The following ADCY1 variants were observed in gnomAD, a reference collection of about 807,000 sequenced individuals.
ADCY1 encodes the protein adenylate cyclase 1, also known as adenylate cyclase type 1.
ADCY1 carries 28 observed loss-of-function variants against 105.4 expected under a neutral mutation model. That is an observed-to-expected ratio of 0.27 (90% CI 0.20 to 0.36). The LOEUF (loss-of-function observed/expected upper bound fraction) is 0.36, where lower values mean the gene tolerates loss of function less well. Among genes scored for constraint, ADCY1 ranks in the 10% least tolerant of loss-of-function variants. ADCY1 has a pLI of 1.00. For synonymous variants in ADCY1, 655 were observed against 623.8 expected (o/e 1.05, Z -0.75); for missense variants, 977 against 1,434.2 (o/e 0.68, Z 5.15).
At chr7:45,657,282 G>A (rs1794967409) in intron 5 of ADCY1, among the ~76,000 whole-genome samples, 1 of 152,264 alleles carries the variant, frequency 6.6e-6, no homozygotes, top group Admixed American at 6.5e-5. Flanking sequence ...GTTTCCAGCA[G>A]GTTGTCATCT....
rs6966133 is a variant in ADCY1, at chr7:45,664,869, C to T, written c.1605+2655C>T. Among the ~76,000 whole-genome samples the T allele has an allele frequency of 8.6e-3, 1,307 of 152,170 alleles. 17 individuals are homozygous for T. The highest frequency in any genetic ancestry group is 0.023 in the African/African-American group (945 of 41,494). On this transcript the variant is annotated intron_variant, in intron 8 of 19. Coordinates refer to ENST00000297323, the MANE Select transcript of ADCY1 (RefSeq NM_021116.4). Reference sequence around the variant, plus strand: ...TGGTGGTTTGCTGTACCCATCAACCCGTCATCTAGGTTTTAAGTCCCGCAT... The same window carrying T: ...TGGTGGTTTGCTGTACCCATCAACCTGTCATCTAGGTTTTAAGTCCCGCAT...
intron 4 of ADCY1, among the ~76,000 whole-genome samples, chr7:45,623,691 T>C (rs1793971085): frequency 6.6e-6 from 1 of 152,204 alleles, no homozygotes; most frequent in South Asian, 2.1e-4. Flanking sequence ...ACTTCCCCTC[T>C]TGCCATTCAC....
rs747202140 is a variant in ADCY1 at position 45,648,741 on chromosome 7, G to C, written c.1092G>C (p.Lys364Asn). ...YYCVSGLTQP[K>N]TDHAHCCVEM... is the part of the protein sequence containing the mutation. ...GCGTGTCGGGCCTCACCCAGCCCAA[G>C]ACTGACCATGCCCACTGCTGTGTGG... The change falls in exon 5 of 20, where the codon AAG (lysine) becomes AAC (asparagine). Residue 364 changes from lysine (K) to asparagine (N), a missense_variant. By Grantham distance (94) the Lys-to-Asn change is moderately conservative. This residue lies in a region of ADCY1 where 196 missense variants were observed against 347.8 expected (regional missense o/e 0.56). Coordinates refer to ENST00000297323, the MANE Select transcript of ADCY1 (RefSeq NM_021116.4). The C allele has an allele frequency of 3.7e-5, 60 of 1,614,082 alleles. No homozygotes were observed. The highest frequency in any genetic ancestry group is 5.1e-5 in the Non-Finnish European group (60 of 1,180,032).
chr7:45,652,955 G>A (rs1009048475), intron 5 of ADCY1, among the ~76,000 whole-genome samples: 4 of 152,180 alleles, frequency 2.6e-5, no homozygotes, highest in African/African-American at 7.2e-5. Context: ...GTCTGACCCT[G>A]CCCCCAGCTT....
In ADCY1 at chr7:45,678,051, A is replaced by T. The variant is rs1237205640; in HGVS notation, c.1788A>T (p.Glu596Asp). 1 of 1,613,986 alleles carries T rather than the reference A, an allele frequency of 6.2e-7. No individual in the cohort carries two copies. Among genetic ancestry groups the T allele is most frequent in the East Asian group, 2.2e-5 (1 of 44,892 alleles). ...TTACCCTGAAGTACAAACATGTCGA[A>T]CGGGAGCAAAAGGTAAGCAACTCTG... ...NFFTLKYKHV[E>D]REQKYHQLQD... The change falls in exon 9 of 20, where the codon GAA becomes GAT. Residue 596 changes from glutamate to aspartate, a missense_variant. Glu to Asp is a conservative substitution (Grantham distance 45, BLOSUM62 2). Around this residue, in one of 7 missense-constraint regions of ADCY1, gnomAD observed 275 missense variants for 362.1 expected, o/e 0.76. Transcript: ENST00000297323.
intron 5 of ADCY1, among the ~76,000 whole-genome samples, chr7:45,655,950 G>A (rs74847982): frequency 1.8e-3 from 272 of 152,144 alleles, no homozygotes; most frequent in Admixed American, 3.4e-3. Context: ...TGGTTTCAGT[G>A]CCTCAAAGAA....
intron 4 of ADCY1, among the ~76,000 whole-genome samples, chr7:45,624,237 G>T (rs1375314617): frequency 1.3e-5 from 2 of 152,102 alleles, no homozygotes; most frequent in Non-Finnish European, 2.9e-5. Flanking sequence ...GCTGAGGCCG[G>T]TGAGACTTGC....
intron 1 of ADCY1, among the ~76,000 whole-genome samples, chr7:45,583,784 G>T (rs1792633345): frequency 6.6e-6 from 1 of 151,894 alleles, no homozygotes; most frequent in African/African-American, 2.4e-5. Context: ...GGGATTACAG[G>T]CATGCACCAC....
chr7:45,686,052 C>T lies in ADCY1; in HGVS notation c.2164C>T (p.Leu722=), dbSNP rs1265670791. The T allele has an allele frequency of 1.1e-5, 17 of 1,613,910 alleles. No individual in the cohort carries two copies. The highest frequency in any genetic ancestry group is 1.4e-5 in the Non-Finnish European group (16 of 1,179,960). ...SGGQRTALPT[L]PCESTHHALL... ...GGGCCAGCGCACAGCCCTGCCCACC[C>T]TGCCCTGCGAGTCTACACACCATGC... Residue 722 remains leucine (L), a synonymous_variant, in exon 13 of 20, where the codon CTG becomes TTG. Coordinates refer to ENST00000297323, the MANE Select transcript of ADCY1 (RefSeq NM_021116.4). This position sits in a 1 kb window ranked among gnomAD's most constrained non-coding sequence, Gnocchi z 4.3.
rs776597667 is a variant in ADCY1, at chr7:45,648,808, C to T, written c.1148+11C>T. 68 of 1,613,376 alleles carry T rather than the reference C, an allele frequency of 4.2e-5. 2 individuals are homozygous for T. The South Asian group carries it at 6.5e-4, about 15-fold the overall frequency. On this transcript the variant is annotated intron_variant, in intron 5 of 19. Coordinates refer to ENST00000297323, the MANE Select transcript of ADCY1 (RefSeq NM_021116.4). Reference sequence around the variant, plus strand: ...GATTGATACCATCACGTAAGTACCCCGTGGGGCTGAGAGGAGTGGCCTGGG... The same window carrying T: ...GATTGATACCATCACGTAAGTACCCTGTGGGGCTGAGAGGAGTGGCCTGGG...
At chr7:45,634,430 T>G (rs1327810345) in intron 4 of ADCY1, among the ~76,000 whole-genome samples, 1 of 151,894 alleles carries the variant, frequency 6.6e-6, no homozygotes, top group African/African-American at 2.4e-5. Flanking sequence ...GCTGAGTTTT[T>G]TTTTTTTTTT....
rs1785310904 is a variant in ADCY1, at chr7:45,713,808, C to A, written c.3173C>A (p.Thr1058Asn). The A allele has an allele frequency of 2.6e-6, 2 of 780,978 alleles. No homozygotes were observed. Among genetic ancestry groups the A allele is most frequent in the Admixed American group, 3.4e-5 (2 of 59,052 alleles). 48.4% of individuals were successfully genotyped at this position (780,978 alleles called of 1,614,324 possible). A position where few individuals can be genotyped will look rare whatever the true frequency, so the allele number is the denominator to read the frequency against. ...EMLTYFLEGR[T>N]DGNGSQIRSL... Reference sequence around the variant, plus strand: ...TTGACATACTTTCTAGAAGGCAGGACTGATGGAAACGGCTCCCAAATCAGG... The same window carrying A: ...TTGACATACTTTCTAGAAGGCAGGAATGATGGAAACGGCTCCCAAATCAGG... The change falls in exon 20 of 20, where the codon ACT becomes AAT. Residue 1058 changes from threonine (T) to asparagine (N), a missense_variant. Physicochemically the swap from Thr to Asn is moderately conservative, Grantham distance 65. Around this residue, in one of 7 missense-constraint regions of ADCY1, gnomAD observed 78 missense variants for 60.0 expected, o/e 1.30. Coordinates refer to ENST00000297323, the MANE Select transcript of ADCY1 (RefSeq NM_021116.4).
chr7:45,685,899 T>C (rs1784661889), intron 12 of ADCY1, 63 bp from the exon 13 acceptor site: 2 of 1,551,498 alleles, frequency 1.3e-6, no homozygotes, highest in African/African-American at 1.4e-5. Flanking sequence ...CACCTGAGCA[T>C]GCTTAGGGGC....
At chr7:45,663,081 C>T (rs375723810) in intron 8 of ADCY1, among the ~76,000 whole-genome samples, 16 of 152,312 alleles carry the variant, frequency 1.1e-4, no homozygotes, top group African/African-American at 3.4e-4. Context: ...CCCAGTAGGG[C>T]GTGTGCCTAG....
intron 4 of ADCY1, among the ~76,000 whole-genome samples, chr7:45,646,320 G>A (rs534588538): frequency 2.0e-3 from 299 of 152,318 alleles, no homozygotes; most frequent in African/African-American, 3.9e-3. Context: ...GGCAGCCCAC[G>A]CTGGAGTCCA....
chr7:45,610,359 G>A lies in ADCY1; in HGVS notation c.790-20G>A, dbSNP rs1214713031. 5 of 1,607,852 alleles carry A rather than the reference G, an allele frequency of 3.1e-6. No individual in the cohort carries two copies. In the South Asian group the frequency reaches 5.5e-5, roughly 18 times the overall value. ...GGAGGGGGCCCTGCTGTCTAACCCGGGCCCTTCTCTTCTGTCCAGGAGCGG... is the reference window on the plus strand; with the variant it reads ...GGAGGGGGCCCTGCTGTCTAACCCGAGCCCTTCTCTTCTGTCCAGGAGCGG... On this transcript the variant is annotated intron_variant, in intron 2 of 19. Transcript: ENST00000297323.
In ADCY1 at chr7:45,708,303, T is replaced by C; in HGVS notation, c.2818-47T>C. ...CTGCAGGTTGGTCCCTGGCCCCCTC[T>C]TGCCTTGCACTCCCCAGATGTAATG... On this transcript the variant is annotated intron_variant, in intron 17 of 19. Coordinates refer to ENST00000297323, the MANE Select transcript of ADCY1 (RefSeq NM_021116.4). This position sits in a 1 kb window ranked among gnomAD's most constrained non-coding sequence, Gnocchi z 4.7. 6.9e-7 allele frequency: 1 copy of C among 1,458,224 alleles called. No individual in the cohort carries two copies. Among genetic ancestry groups the C allele is most frequent in the Non-Finnish European group, 9.6e-7 (1 of 1,041,784 alleles). 90.3% of individuals were successfully genotyped at this position (1,458,224 alleles called of 1,614,324 possible).
At chr7:45,661,813 C>T (rs1235371789) in intron 7 of ADCY1, among the ~76,000 whole-genome samples, 1 of 152,220 alleles carries the variant, frequency 6.6e-6, no homozygotes, top group Non-Finnish European at 1.5e-5. Context: ...CCGAGCATCA[C>T]GTAGGCTTTT....
chr7:45,685,901 C>T, intron 12 of ADCY1, 61 bp from the exon 13 acceptor site: 1 of 1,556,258 alleles, frequency 6.4e-7, no homozygotes, highest in South Asian at 1.2e-5. Context: ...CCTGAGCATG[C>T]TTAGGGGCTG....
Sources: allele counts gnomAD v4.1 joint callset (sites outside exome capture counted in the v4.1 genomes callset), GRCh38; gene constraint gnomAD v4.1.1; regional missense constraint gnomAD v4.1.1; non-coding constraint Gnocchi (gnomAD v3.1); transcripts MANE v1.5; gene names NCBI Gene and HGNC (gene_info 2026-07-23, HGNC 2026-07-21).